RAF1: variants seen among roughly 807,000 people sequenced by gnomAD.
RAF1 encodes the protein Raf-1 proto-oncogene, serine/threonine kinase.
Under a neutral mutation model 81.1 loss-of-function variants are expected in RAF1, and 27 were observed. The ratio of observed to expected loss-of-function variants is 0.33; its 90% confidence interval spans 0.25 to 0.46. RAF1 has a LOEUF of 0.46. Ranked by LOEUF, RAF1 falls within the 20% of genes least tolerant of loss-of-function variation. The pLI, the probability that RAF1 is intolerant of heterozygous loss-of-function variation, is 1.00. For synonymous variants in RAF1, 298 were observed against 294.0 expected, an observed-to-expected ratio of 1.01 and a Z score of -0.14; for missense variants, 598 against 826.0, an observed-to-expected ratio of 0.72 and a Z score of 3.38.
At chr3:12,655,368 G>C (rs938272444) in intron 1 of RAF1, among the ~76,000 whole-genome samples, 12 of 152,206 alleles carry the variant, frequency 7.9e-5, no homozygotes, top group Non-Finnish European at 1.8e-4. Context: ...TTACAGGCAT[G>C]AGCCACCGTG....
At chr3:12,646,283 T>C (rs548858105) in intron 1 of RAF1, among the ~76,000 whole-genome samples, 59 of 152,208 alleles carry the variant, frequency 3.9e-4, no homozygotes, top group African/African-American at 1.3e-3. Context: ...TGGAAAAATA[T>C]AATCTTTCAT....
intron 2 of RAF1, among the ~76,000 whole-genome samples, chr3:12,615,482 A>C (rs1029142058): frequency 1.2e-4 from 19 of 152,216 alleles, no homozygotes; most frequent in Non-Finnish European, 2.5e-4. Flanking sequence ...GGGTTCAGGA[A>C]GTAAAGCAAC....
chr3:12,585,197 G>A lies in RAF1; in HGVS notation c.1653C>T (p.Val551=), dbSNP rs200077373. The change falls in exon 16 of 18, where the codon GTC becomes GTT. Residue 551 remains valine (V), a synonymous_variant. Coordinates refer to ENST00000442415, the MANE Select transcript of RAF1 (RefSeq NM_001354689.3). ...CATACAATACGATGCCATAGGAGTAGACATCCGACTGGAAACTGAATGGGT... is the reference window on the plus strand; with the variant it reads ...CATACAATACGATGCCATAGGAGTAAACATCCGACTGGAAACTGAATGGGT... 5 of 1,614,152 alleles carry A rather than the reference G, an allele frequency of 3.1e-6. No individual in the cohort carries two copies. Among genetic ancestry groups the A allele is most frequent in the Non-Finnish European group, 4.2e-6 (5 of 1,180,036 alleles).
intron 1 of RAF1, among the ~76,000 whole-genome samples, chr3:12,642,718 AC>A (rs2060230465): frequency 2.0e-5 from 3 of 149,088 alleles, no homozygotes; most frequent in Non-Finnish European, 4.4e-5. Context: ...ACACACACAC[AC>A]AAAATAGCTG....
In RAF1 at chr3:12,609,209, AAAGAG is replaced by A. The variant is rs554791378; in HGVS notation, c.423+19_423+23del. 2.6e-6 allele frequency: 4 copies of A among 1,548,524 alleles called. No individual in the cohort carries two copies. Among genetic ancestry groups the A allele is most frequent in the Non-Finnish European group, 3.6e-6 (4 of 1,120,436 alleles). The stretch of plus-strand genomic sequence containing the variant: ...CCTGGCAAAGCCCTCAACATGCCAG[AAAGAG>A]AAGAGATCTGCAACTTACAAAGTTG... On this transcript the variant is annotated intron_variant, in intron 4 of 17. Transcript: ENST00000442415.
At chr3:12,591,001 A>T (rs2058497966) in intron 12 of RAF1, 27 bp from the exon 12 acceptor site, 1 of 1,580,736 alleles carries the variant, frequency 6.3e-7, no homozygotes, top group Non-Finnish European at 8.6e-7. Context: ...AAGAGAGGAG[A>T]GGGAGGAGGA....
intron 14 of RAF1, among the ~76,000 whole-genome samples, chr3:12,586,124 T>C (rs2058325601): frequency 6.6e-6 from 1 of 152,204 alleles, no homozygotes; most frequent in Admixed American, 6.5e-5. Flanking sequence ...ATACAGGTAC[T>C]TGAAACCCTA....
chr3:12,598,724 T>TAAAAAAAAAA (rs2058757938), intron 11 of RAF1, among the ~76,000 whole-genome samples: 1 of 26,386 alleles, frequency 3.8e-5, no homozygotes, highest in Non-Finnish European at 6.4e-5. Flanking sequence ...AGAATCTATC[T>TAAAAAAAAAA]CAAAAAAAAA....
At chr3:12,642,671 TACACACACACACACACACACACACACAC>T (rs71063856) in intron 1 of RAF1, among the ~76,000 whole-genome samples, 16 of 117,060 alleles carry the variant, frequency 1.4e-4, no homozygotes, top group African/African-American at 4.9e-4. Context: ...ACACCATCTC[TACACACACACACACACACACACACACAC>T]ACACACACAC....
At chr3:12,594,525 A>C (rs866939917) in intron 11 of RAF1, among the ~76,000 whole-genome samples, 1 of 152,140 alleles carries the variant, frequency 6.6e-6, no homozygotes, top group African/African-American at 2.4e-5. Context: ...TTCTGGCCCT[A>C]ATCAGTAATA....
At chr3:12,654,190 G>A (rs111962445) in intron 1 of RAF1, among the ~76,000 whole-genome samples, 32,909 of 151,770 alleles carry the variant, frequency 0.22, 3,857 homozygotes, top group African/African-American at 0.31. Context: ...GTCTCACTAT[G>A]ATGCCCAGGC....
Position 12,620,178 on chromosome 3 carries a change from T to G in RAF1, c.-26-1431A>C, listed in dbSNP as rs1443507711. On this transcript the variant is annotated intron_variant, in intron 1 of 17. Coordinates refer to ENST00000442415, the MANE Select transcript of RAF1 (RefSeq NM_001354689.3). ...TTTCTTTTGAGACAGAGTCTCACTC[T>G]ATTGCCAGGCTGGAGTGTAGTGGCG... Among the ~76,000 whole-genome samples, 3 of 152,316 alleles carry G rather than the reference T, an allele frequency of 2.0e-5. No individual in the cohort carries two copies. In the East Asian group the frequency reaches 5.8e-4, roughly 29 times the overall value.
intron 1 of RAF1, among the ~76,000 whole-genome samples, chr3:12,660,181 ATTC>A (rs1289195412): frequency 3.9e-5 from 6 of 152,132 alleles, no homozygotes; most frequent in African/African-American, 9.7e-5. Context: ...GATGTTTAAC[ATTC>A]TTCACTTCAT....
At chr3:12,621,583 T>G (rs536077334) in intron 1 of RAF1, among the ~76,000 whole-genome samples, 1 of 152,350 alleles carries the variant, frequency 6.6e-6, no homozygotes, top group East Asian at 1.9e-4. Context: ...TATTAAAAGT[T>G]TGAAATGTTC....
chr3:12,624,441 C>G (rs905538255), intron 1 of RAF1, among the ~76,000 whole-genome samples: 2 of 151,924 alleles, frequency 1.3e-5, no homozygotes, highest in African/African-American at 4.8e-5. Flanking sequence ...AATCAGAAAC[C>G]CTGTTGATAC....
intron 5 of RAF1, among the ~76,000 whole-genome samples, chr3:12,608,241 T>C (rs917828833): frequency 4.6e-5 from 7 of 152,214 alleles, no homozygotes; most frequent in African/African-American, 1.7e-4. Context: ...ATTTTATCTA[T>C]ATGAAATATA....
chr3:12,609,393 A>G (rs925540680), intron 3 of RAF1, 58 bp from the exon 4 acceptor site: 4 of 1,128,246 alleles, frequency 3.5e-6, no homozygotes, highest in South Asian at 2.5e-5. Flanking sequence ...TTCAATAGAA[A>G]TAACAACAGC....
chr3:12,594,906 A>G (rs1422953433), intron 11 of RAF1, among the ~76,000 whole-genome samples: 1 of 152,200 alleles, frequency 6.6e-6, no homozygotes, highest in African/African-American at 2.4e-5. Context: ...GATTATTTGC[A>G]ATTTCTTATG....
chr3:12,604,583 TACA>T (rs777834457), intron 6 of RAF1, among the ~76,000 whole-genome samples: 4 of 152,334 alleles, frequency 2.6e-5, no homozygotes, highest in East Asian at 3.9e-4. Flanking sequence ...TCCAAATTTT[TACA>T]ACATCTCCAG....
Sources: gnomAD v4.1 joint callset for allele counts (sites outside exome capture counted in the v4.1 genomes callset) on GRCh38, gnomAD v4.1.1 for gene constraint, MANE v1.5 for transcripts, NCBI Gene and HGNC (gene_info 2026-07-23, HGNC 2026-07-21) for gene names.